PCLO: variants seen among roughly 807,000 people sequenced by gnomAD.
The protein encoded by PCLO is protein piccolo.
A neutral mutation model predicts 427.5 loss-of-function variants in PCLO; 82 were observed. The ratio of observed to expected loss-of-function variants is 0.19; its 90% confidence interval spans 0.16 to 0.23. PCLO has a LOEUF of 0.23. Ranked by LOEUF, PCLO falls within the 10% of genes least tolerant of loss-of-function variation. The pLI is 1.00. For missense variants in PCLO, 6,239 were observed against 6,115.9 expected (o/e 1.02, Z -0.67); for synonymous variants, 2,357 against 2,155.4 (o/e 1.09, Z -2.59).
intron 16 of PCLO, among the ~76,000 whole-genome samples, chr7:82,831,268 G>A (rs377157756): frequency 6.6e-6 from 1 of 151,904 alleles, no homozygotes; most frequent in African/African-American, 2.4e-5. Flanking sequence ...TCCAAACATA[G>A]GTAATTTGAT....
intron 22 of PCLO, among the ~76,000 whole-genome samples, chr7:82,795,352 T>C (rs1791202705): frequency 6.6e-6 from 1 of 152,184 alleles, no homozygotes; most frequent in East Asian, 1.9e-4. Flanking sequence ...AATACAGAAA[T>C]TTTTAATATC....
intron 20 of PCLO, among the ~76,000 whole-genome samples, chr7:82,818,924 A>G (rs771254767): frequency 4.2e-4 from 64 of 152,164 alleles, no homozygotes; most frequent in Admixed American, 6.6e-4. Flanking sequence ...TTGAAATGGG[A>G]CACTTTTATC....
intron 3 of PCLO, among the ~76,000 whole-genome samples, chr7:83,093,492 A>ATATATATATATTTTTTTTTTTTTTTTTTT: frequency 1.7e-5 from 1 of 59,342 alleles, no homozygotes; most frequent in Admixed American, 2.9e-4. Context: ...ATATATATAT[A>ATATATATATATTTTTTTTTTTTTTTTTTT]TTTTTTTTTT....
At chr7:83,125,367 G>T (rs1032066661) in intron 3 of PCLO, among the ~76,000 whole-genome samples, 17 of 152,166 alleles carry the variant, frequency 1.1e-4, no homozygotes, top group African/African-American at 4.1e-4. Context: ...GCTCTGCCCG[G>T]CCACCACCCC....
intron 14 of PCLO, among the ~76,000 whole-genome samples, chr7:82,840,386 C>A (rs1792338068): frequency 6.6e-6 from 1 of 152,026 alleles, no homozygotes; most frequent in Admixed American, 6.6e-5. Flanking sequence ...ATTTCTTTGC[C>A]TCAATGTCCT....
chr7:83,044,421 A>G (rs1789054675), intron 3 of PCLO, among the ~76,000 whole-genome samples: 1 of 152,348 alleles, frequency 6.6e-6, no homozygotes, highest in South Asian at 2.1e-4. Flanking sequence ...TTAAGTAGCT[A>G]GCACTTTCCA....
chr7:82,933,815 A>G (rs76520860), intron 6 of PCLO, among the ~76,000 whole-genome samples: 2 of 151,990 alleles, frequency 1.3e-5, no homozygotes, highest in Non-Finnish European at 2.9e-5. Flanking sequence ...TGTCTTTACA[A>G]GTGAATTTTC....
At chr7:83,118,273 AC>A in intron 3 of PCLO, among the ~76,000 whole-genome samples, 1 of 152,296 alleles carries the variant, frequency 6.6e-6, no homozygotes, top group Admixed American at 6.5e-5. Flanking sequence ...ACAGGTAATC[AC>A]AGGAAGGCAG....
At chr7:82,860,417 C>T (rs1015754807) in intron 10 of PCLO, among the ~76,000 whole-genome samples, 3 of 151,826 alleles carry the variant, frequency 2.0e-5, no homozygotes, top group African/African-American at 7.3e-5. Flanking sequence ...ATTTAAAATG[C>T]TGAAGAAAAA....
chr7:82,836,007 T>C (rs890265077), intron 15 of PCLO, among the ~76,000 whole-genome samples: 3 of 152,098 alleles, frequency 2.0e-5, no homozygotes, highest in African/African-American at 7.2e-5. Context: ...GACGTTTTAT[T>C]TGACAAATTG....
chr7:82,888,841 G>A (rs1485009923), intron 9 of PCLO, among the ~76,000 whole-genome samples: 1 of 152,018 alleles, frequency 6.6e-6, no homozygotes, highest in Admixed American at 6.6e-5. Context: ...TCACTGAAAG[G>A]AAAGAAACAG....
intron 3 of PCLO, among the ~76,000 whole-genome samples, chr7:83,119,891 A>G (rs768820990): frequency 1.3e-4 from 19 of 151,936 alleles, no homozygotes; most frequent in Non-Finnish European, 2.4e-4. Flanking sequence ...GAAAAATTCA[A>G]TTGACAAACT....
intron 9 of PCLO, among the ~76,000 whole-genome samples, chr7:82,895,393 T>C (rs1272548134): frequency 6.6e-6 from 1 of 151,790 alleles, no homozygotes; most frequent in Non-Finnish European, 1.5e-5. Context: ...ACTAATAAAC[T>C]AACTTTTCAC....
At chr7:83,029,856 C>A (rs1316047292) in intron 3 of PCLO, among the ~76,000 whole-genome samples, 1 of 146,136 alleles carries the variant, frequency 6.8e-6, no homozygotes, top group East Asian at 2.0e-4. Context: ...TAAACTATCG[C>A]AAGAACAAAA....
intron 20 of PCLO, 73 bp from the exon 21 acceptor site, chr7:82,805,902 T>C: frequency 7.3e-7 from 1 of 1,373,454 alleles, no homozygotes; most frequent in Non-Finnish European, 1.0e-6. Flanking sequence ...TGCATCATTA[T>C]ACATCTTCTT....
At chr7:82,924,334 T>C (rs1431856316) in intron 6 of PCLO, among the ~76,000 whole-genome samples, 7 of 152,096 alleles carry the variant, frequency 4.6e-5, no homozygotes, top group African/African-American at 1.7e-4. Flanking sequence ...ATTAATCCCC[T>C]TTATTGTATA....
chr7:82,796,419 AC>A (rs1429911527), intron 22 of PCLO, among the ~76,000 whole-genome samples: 2 of 151,548 alleles, frequency 1.3e-5, no homozygotes, highest in Admixed American at 6.6e-5. Context: ...TCTTCTATAT[AC>A]CCCCAATCTT....
chr7:82,862,566 C>CAAAAAAAAA (rs36075501), intron 10 of PCLO, among the ~76,000 whole-genome samples: 1 of 92,230 alleles, frequency 1.1e-5, no homozygotes, highest in Non-Finnish European at 2.1e-5. Flanking sequence ...GACTCTGCCT[C>CAAAAAAAAA]AAAAAAAAAA....
intron 10 of PCLO, among the ~76,000 whole-genome samples, chr7:82,873,210 A>C (rs1447024567): frequency 8.2e-6 from 1 of 122,138 alleles, no homozygotes; most frequent in Non-Finnish European, 1.7e-5. Context: ...TGTACATTCG[A>C]ACCTTTTTAA....
Sources: gnomAD v4.1 joint callset for allele counts (sites outside exome capture counted in the v4.1 genomes callset) on GRCh38, gnomAD v4.1.1 for gene constraint, MANE v1.5 for transcripts, NCBI Gene and HGNC (gene_info 2026-07-23, HGNC 2026-07-21) for gene names.